CACNA2D3: variants seen among roughly 807,000 people sequenced by gnomAD.
CACNA2D3 encodes the protein voltage-dependent calcium channel subunit alpha-2/delta-3.
A neutral mutation model predicts 160.6 loss-of-function variants in CACNA2D3; 60 were observed. The observed-to-expected ratio is 0.37, with a 90% confidence interval of 0.30 to 0.46. The LOEUF is 0.46. Ranked by LOEUF, CACNA2D3 falls within the 20% of genes least tolerant of loss-of-function variation. CACNA2D3 has a pLI of 1.00. For synonymous variants in CACNA2D3, 558 were observed against 492.9 expected (o/e 1.13, Z -1.75); for missense variants, 1,205 against 1,365.0 (o/e 0.88, Z 1.85).
rs552738497 is a variant in CACNA2D3, at chr3:54,816,062, A to G, written c.1381-791A>G. On this transcript the variant is annotated intron_variant, in intron 13 of 37. Coordinates refer to ENST00000474759, the MANE Select transcript of CACNA2D3 (RefSeq NM_018398.3). ...CGTAAATGTTGATCTTTTTCCACAT[A>G]CCTATTAATTTCAGTTCCTCGCCTG... 5.8e-4 allele frequency among the ~76,000 whole-genome samples: 89 copies of G among 152,286 alleles called. 5 individuals carry two copies. In the South Asian group the frequency reaches 0.018, roughly 31 times the overall value.
intron 13 of CACNA2D3, among the ~76,000 whole-genome samples, chr3:54,771,601 G>A (rs1420798874): frequency 1.3e-5 from 2 of 152,184 alleles, no homozygotes; most frequent in South Asian, 2.1e-4. Flanking sequence ...TGTGGCCCCT[G>A]TAGGCTGTCA....
chr3:54,845,974 A>G (rs1433777471), intron 16 of CACNA2D3, among the ~76,000 whole-genome samples: 1 of 152,208 alleles, frequency 6.6e-6, no homozygotes, highest in East Asian at 1.9e-4. Flanking sequence ...TACGAAGTCT[A>G]GAAGTGAGGC....
At chr3:54,890,382 G>A (rs1045529124) in intron 24 of CACNA2D3, among the ~76,000 whole-genome samples, 3 of 151,620 alleles carry the variant, frequency 2.0e-5, no homozygotes, top group African/African-American at 7.3e-5. Flanking sequence ...TGTAGTCCCA[G>A]CTACTCGGGG....
chr3:54,504,318 G>A (rs1701336289), intron 5 of CACNA2D3, among the ~76,000 whole-genome samples: 1 of 152,064 alleles, frequency 6.6e-6, no homozygotes, highest in African/African-American at 2.4e-5. Flanking sequence ...AATTATAGTG[G>A]CCAAGGACTG....
At chr3:54,350,966 CTGTTTTTTTTTTTTTGTTT>C (rs1698542454) in intron 3 of CACNA2D3, among the ~76,000 whole-genome samples, 1 of 63,286 alleles carries the variant, frequency 1.6e-5, no homozygotes, top group Non-Finnish European at 3.6e-5. Context: ...GATCTTGAGT[CTGTTTTTTTTTTTTTGTTT>C]GTTTTTTTTT....
intron 4 of CACNA2D3, among the ~76,000 whole-genome samples, chr3:54,479,011 T>C (rs1700889157): frequency 1.3e-5 from 2 of 151,998 alleles, no homozygotes; most frequent in Non-Finnish European, 1.5e-5. Flanking sequence ...TCACCTTGAA[T>C]TGTAGTTACT....
chr3:54,465,986 G>A (rs1265864707), intron 4 of CACNA2D3, among the ~76,000 whole-genome samples: 1 of 152,066 alleles, frequency 6.6e-6, no homozygotes, highest in Non-Finnish European at 1.5e-5. Flanking sequence ...TGCCTTGCTG[G>A]TTGTCCTTGT....
At chr3:54,692,723 A>C (rs561055737) in intron 11 of CACNA2D3, among the ~76,000 whole-genome samples, 1 of 152,214 alleles carries the variant, frequency 6.6e-6, no homozygotes, top group Non-Finnish European at 1.5e-5. Flanking sequence ...ACCAAAAGGC[A>C]GGATGGGCTG....
intron 14 of CACNA2D3, among the ~76,000 whole-genome samples, chr3:54,826,888 A>G (rs1286579726): frequency 1.3e-5 from 2 of 152,254 alleles, no homozygotes; most frequent in African/African-American, 4.8e-5. Flanking sequence ...AAGAAGCATA[A>G]GAATTTCTCT....
Position 55,025,063 on chromosome 3 carries a change from A to G in CACNA2D3, c.2987+6746A>G, listed in dbSNP as rs1026095440. Among the ~76,000 whole-genome samples, 4 of 152,218 alleles carry G rather than the reference A, an allele frequency of 2.6e-5. No individual in the cohort carries two copies. The East Asian group carries it at 7.7e-4, about 29-fold the overall frequency. ...TCTTAGTGAAGATAGGCACAATCAT[A>G]TTTAGTAGAGCGAGTTAGGGTTCTT... On this transcript the variant is annotated intron_variant, in intron 35 of 37. Coordinates refer to ENST00000474759, the MANE Select transcript of CACNA2D3 (RefSeq NM_018398.3).
chr3:54,331,751 A>G (rs1309356894), intron 3 of CACNA2D3, among the ~76,000 whole-genome samples: 1 of 152,084 alleles, frequency 6.6e-6, no homozygotes, highest in Admixed American at 6.5e-5. Flanking sequence ...TGAGACTGAG[A>G]TTTTCTTCAC....
At chr3:54,754,589 C>T (rs557664283) in intron 12 of CACNA2D3, among the ~76,000 whole-genome samples, 24 of 152,298 alleles carry the variant, frequency 1.6e-4, no homozygotes, top group African/African-American at 5.8e-4. Context: ...TGCTCTGACA[C>T]AGCCCAGCCT....
At chr3:54,439,331 GTT>G (rs1491226217) in intron 4 of CACNA2D3, among the ~76,000 whole-genome samples, 15 of 149,222 alleles carry the variant, frequency 1.0e-4, no homozygotes, top group South Asian at 6.3e-4. Flanking sequence ...GTGTGTGTGT[GTT>G]TGTGTGTGAA....
chr3:54,289,117 G>T (rs1296287345), intron 2 of CACNA2D3, among the ~76,000 whole-genome samples: 1 of 152,084 alleles, frequency 6.6e-6, no homozygotes, highest in Non-Finnish European at 1.5e-5. Flanking sequence ...AAGTCAAATT[G>T]TCCCTGTTTG....
At chr3:54,388,331 C>T (rs1699224274) in intron 4 of CACNA2D3, among the ~76,000 whole-genome samples, 1 of 152,218 alleles carries the variant, frequency 6.6e-6, no homozygotes, top group Non-Finnish European at 1.5e-5. Context: ...CTTGCCAGTA[C>T]TCACCGTTGG....
At chr3:54,991,751 G>T (rs992087959) in intron 31 of CACNA2D3, among the ~76,000 whole-genome samples, 10 of 152,160 alleles carry the variant, frequency 6.6e-5, no homozygotes, top group African/African-American at 2.4e-4. Flanking sequence ...TGTGGCCATG[G>T]ACGGTGTCGT....
At chr3:54,163,391 T>A (rs1700386433) in intron 2 of CACNA2D3, among the ~76,000 whole-genome samples, 1 of 152,192 alleles carries the variant, frequency 6.6e-6, no homozygotes, top group African/African-American at 2.4e-5. Context: ...TTTTCCACGT[T>A]CCTTTCATCC....
At chr3:54,540,825 C>G (rs1390840399) in intron 5 of CACNA2D3, among the ~76,000 whole-genome samples, 1 of 152,114 alleles carries the variant, frequency 6.6e-6, no homozygotes. Flanking sequence ...TTGTAGGTAT[C>G]CCCACAATCT....
chr3:54,776,945 C>G (rs2107122352), intron 13 of CACNA2D3, among the ~76,000 whole-genome samples: 1 of 152,300 alleles, frequency 6.6e-6, no homozygotes, highest in East Asian at 1.9e-4. Flanking sequence ...CACTTCATGG[C>G]CCAGATATTT....
Sources: gnomAD v4.1 joint callset for allele counts (sites outside exome capture counted in the v4.1 genomes callset) on GRCh38, gnomAD v4.1.1 for gene constraint, MANE v1.5 for transcripts, NCBI Gene and HGNC (gene_info 2026-07-23, HGNC 2026-07-21) for gene names.